The following MIOS variants were observed in gnomAD, a reference collection of about 807,000 sequenced individuals.
MIOS encodes GATOR2 complex protein MIOS.
MIOS carries 52 observed loss-of-function variants against 96.9 expected under a neutral mutation model. The observed-to-expected ratio is 0.54, with a 90% CI of 0.43 to 0.68. The LOEUF (loss-of-function observed/expected upper bound fraction) is 0.68. Ranked by LOEUF, MIOS falls within the 30% of genes least tolerant of loss-of-function variation. MIOS has a pLI of 0.00. For synonymous variants in MIOS, 397 were observed against 359.5 expected, an observed-to-expected ratio of 1.10 and a Z score of -1.18; for missense variants, 1,005 against 1,052.8, an observed-to-expected ratio of 0.95 and a Z score of 0.63.
intron 5 of MIOS, chr7:7,582,645 A>C (rs1783767282): frequency 9.2e-6 from 9 of 978,566 alleles, no homozygotes; most frequent in Non-Finnish European, 1.1e-5. Context: ...GAAGGAAGAA[A>C]GCAAGATCAC....
At chr7:7,576,992 A>G (rs1338134248) in intron 5 of MIOS, among the ~76,000 whole-genome samples, 2 of 152,204 alleles carry the variant, frequency 1.3e-5, no homozygotes, top group Admixed American at 1.3e-4. Flanking sequence ...TTTTGGAGCA[A>G]GTTGAAATCA....
rs1206991509 is a variant in MIOS at position 7,572,716 on chromosome 7, G to C, written c.241G>C (p.Gly81Arg). The change falls in exon 4 of 13, where the codon GGA becomes CGA. Residue 81 changes from glycine (G) to arginine (R), a missense_variant. Gly to Arg is a moderately radical substitution (Grantham distance 125, BLOSUM62 -2). Coordinates refer to ENST00000340080, the MANE Select transcript of MIOS (RefSeq NM_019005.4). This position sits in a 1 kb window ranked among gnomAD's most constrained non-coding sequence, Gnocchi z 4.8. ...NYDPECLLAV[G>R]QANGRVVLTS... ...TGATCCTGAATGTCTGCTGGCAGTT[G>C]GACAAGCAAATGGTCGAGTTGTACT... 2.5e-6 allele frequency: 4 copies of C among 1,613,992 alleles called. No individual in the cohort carries two copies.
Position 7,567,023 on chromosome 7 carries a change from G to A in MIOS, c.-270G>A, listed in dbSNP as rs566360412. 6.6e-6 allele frequency: 1 copy of A among 152,028 alleles called. No homozygotes were observed. Among genetic ancestry groups the A allele is most frequent in the East Asian group, 1.9e-4 (1 of 5,194 alleles). The allele number at this position is 152,028 out of a possible 1,614,324, so 9.4% of individuals were successfully genotyped here. On this transcript the variant is annotated 5_prime_UTR_variant, in exon 1 of 13. Transcript: ENST00000340080. ...CGTCCGGGCTCCTGCGGCGGGCGGG[G>A]CGGTGTCCCGGCCGGAAGCGGCTGT...
intron 9 of MIOS, among the ~76,000 whole-genome samples, chr7:7,594,574 C>T (rs1016371441): frequency 1.3e-5 from 2 of 152,190 alleles, no homozygotes; most frequent in African/African-American, 2.4e-5. Context: ...AGATTACAGG[C>T]ATGAGCCATC....
chr7:7,603,737 A>G (rs570050428), intron 11 of MIOS, among the ~76,000 whole-genome samples: 2 of 152,320 alleles, frequency 1.3e-5, no homozygotes, highest in Non-Finnish European at 2.9e-5. Context: ...ATTATAAATC[A>G]TGCTGCTATA....
chr7:7,603,304 G>T (rs1001943905), intron 11 of MIOS, among the ~76,000 whole-genome samples: 5 of 151,756 alleles, frequency 3.3e-5, no homozygotes, highest in Admixed American at 2.6e-4. Flanking sequence ...GAAAATTTTT[G>T]CAACCTACTC....
intron 5 of MIOS, among the ~76,000 whole-genome samples, chr7:7,577,068 A>G (rs1298060827): frequency 6.6e-6 from 1 of 152,198 alleles, no homozygotes; most frequent in African/African-American, 2.4e-5. Context: ...GGAGGAATAT[A>G]ATGTATGTCA....
At chr7:7,570,248 A>T (rs1308882464) in intron 3 of MIOS, among the ~76,000 whole-genome samples, 1 of 152,170 alleles carries the variant, frequency 6.6e-6, no homozygotes, top group African/African-American at 2.4e-5. Context: ...AGGAGACAAG[A>T]TGATAAATAA....
Position 7,573,753 on chromosome 7 carries a change from C to G in MIOS, c.1278C>G (p.Leu426=), listed in dbSNP as rs1783432425. The change falls in exon 4 of 13, where the codon CTC becomes CTG. Residue 426 remains leucine (L), a synonymous_variant. Coordinates refer to ENST00000340080, the MANE Select transcript of MIOS (RefSeq NM_019005.4). The surrounding 1 kb of genome is among the most constrained non-coding windows in gnomAD (Gnocchi z 5.0). ...AGNEDPQLKS[L]WYTLHFMKQY... is the part of the protein sequence containing the mutation. ...ATGAAGATCCACAGCTCAAGTCACT[C>G]TGGTATACTCTGCACTATATCCTTT... 2 of 1,601,632 alleles carry G rather than the reference C, an allele frequency of 1.2e-6. No individual in the cohort carries two copies. The highest frequency in any genetic ancestry group is 2.2e-5 in the South Asian group (2 of 89,286).
chr7:7,592,037 G>A (rs1250496357), intron 9 of MIOS, among the ~76,000 whole-genome samples: 1 of 150,842 alleles, frequency 6.6e-6, no homozygotes, highest in African/African-American at 2.4e-5. Flanking sequence ...CTGGAGTGCA[G>A]TGGCACAATA....
intron 9 of MIOS, among the ~76,000 whole-genome samples, chr7:7,594,392 C>T (rs1480508292): frequency 6.2e-5 from 9 of 145,598 alleles, no homozygotes; most frequent in Admixed American, 4.7e-4. Context: ...CTGCAACTTC[C>T]GCCTCCCGGT....
chr7:7,570,981 CTT>C (rs915095448), intron 3 of MIOS, among the ~76,000 whole-genome samples: 6 of 152,120 alleles, frequency 3.9e-5, no homozygotes, highest in Admixed American at 1.3e-4. Context: ...CCAACTGAAA[CTT>C]TTGCAAGATC....
intron 11 of MIOS, among the ~76,000 whole-genome samples, chr7:7,598,880 T>G (rs1784291255): frequency 6.6e-6 from 1 of 152,162 alleles, no homozygotes; most frequent in African/African-American, 2.4e-5. Context: ...TATCAAATAT[T>G]AACATTTTTC....
chr7:7,579,892 T>G (rs1978188), intron 5 of MIOS, among the ~76,000 whole-genome samples: 150,810 of 152,282 alleles, frequency 0.99, 74,680 homozygotes, highest in East Asian at 1. Context: ...TTTCTCAGAA[T>G]GTATCCCTAC....
At chr7:7,576,926 C>G (rs1417727160) in intron 5 of MIOS, among the ~76,000 whole-genome samples, 2 of 151,996 alleles carry the variant, frequency 1.3e-5, no homozygotes. Flanking sequence ...GTTTGGGAAA[C>G]TAGTTAATTT....
intron 11 of MIOS, among the ~76,000 whole-genome samples, chr7:7,604,908 T>C (rs1784483170): frequency 6.6e-6 from 1 of 152,174 alleles, no homozygotes; most frequent in Non-Finnish European, 1.5e-5. Context: ...TTTATTTATC[T>C]CTTCCCCCTT....
At chr7:7,593,897 A>AAAAAAAAG (rs1563036584) in intron 9 of MIOS, among the ~76,000 whole-genome samples, 3 of 92,924 alleles carry the variant, frequency 3.2e-5, no homozygotes, top group African/African-American at 1.4e-4. Context: ...AAAAAAAAAG[A>AAAAAAAAG]AAAAGAAAAG....
intron 11 of MIOS, among the ~76,000 whole-genome samples, chr7:7,597,511 T>A (rs1471009711): frequency 9.5e-5 from 4 of 42,058 alleles, no homozygotes; most frequent in African/African-American, 1.2e-4. Context: ...TATATATATA[T>A]ATATATGAAG....
chr7:7,585,409 C>G (rs63517264), intron 6 of MIOS, among the ~76,000 whole-genome samples: 2 of 11,740 alleles, frequency 1.7e-4, no homozygotes, highest in African/African-American at 2.5e-4. Context: ...AAAACCCAAA[C>G]CCCCCCCTTT....
Sources: gnomAD v4.1 joint callset for allele counts (sites outside exome capture counted in the v4.1 genomes callset) on GRCh38, gnomAD v4.1.1 for gene constraint, Gnocchi (gnomAD v3.1) non-coding constraint, MANE v1.5 for transcripts, NCBI Gene and HGNC (gene_info 2026-07-23, HGNC 2026-07-21) for gene names.